Variants in ZZEF1 observed in about 807,000 individuals in gnomAD.
ZZEF1 encodes zinc finger ZZ-type and EF-hand domain containing 1.
ZZEF1 carries 157 observed loss-of-function variants against 342.8 expected under a neutral mutation model. The observed-to-expected ratio is 0.46, with a 90% CI of 0.40 to 0.52. ZZEF1 has a LOEUF of 0.52. Ranked by LOEUF, ZZEF1 falls within the 20% of genes least tolerant of loss-of-function variation. The pLI, the probability that ZZEF1 is intolerant of heterozygous loss-of-function variation, is 0.00. For synonymous variants in ZZEF1, 1,505 were observed against 1,429.1 expected (o/e 1.05, Z -1.20); for missense variants, 3,480 against 3,725.6 (o/e 0.93, Z 1.72).
rs902131241 is a variant in ZZEF1, at chr17:4,133,479, A to G, written c.354+9063T>C. ...CAAATGCTTAAAACCTCTTAGCTCCATTACTTTCCTCCATCTATAAAAGCT... is the reference window on the plus strand; with the variant it reads ...CAAATGCTTAAAACCTCTTAGCTCCGTTACTTTCCTCCATCTATAAAAGCT... On this transcript the variant is annotated intron_variant, in intron 1 of 54. Transcript: ENST00000381638. Among the ~76,000 whole-genome samples the G allele has an allele frequency of 3.9e-5, 6 of 152,092 alleles. No homozygotes were observed. The East Asian group carries it at 1.2e-3, about 29-fold the overall frequency.
At chr17:4,099,834 C>T (rs1182174986) in intron 9 of ZZEF1, among the ~76,000 whole-genome samples, 3 of 152,124 alleles carry the variant, frequency 2.0e-5, no homozygotes, top group African/African-American at 7.2e-5. Context: ...GTGTGAGCCA[C>T]TGCACCCAGC....
chr17:4,105,456 C>T (rs2058195596), intron 7 of ZZEF1, among the ~76,000 whole-genome samples: 1 of 152,184 alleles, frequency 6.6e-6, no homozygotes, highest in South Asian at 2.1e-4. Context: ...CACAGGACTA[C>T]TCCCCTTGGG....
Position 4,102,404 on chromosome 17 carries a change from G to A in ZZEF1, c.1585C>T (p.Gln529Ter). Reference protein sequence around the residue: ...NLLLKYGKPLQLTLQACDVKG... With the variant: ...NLLLKYGKPL ...ACATCACATGCCTGAAGAGTCAACTGGAGAGGTTTACCTGACCAAAGAAAA... is the reference window on the plus strand; with the variant it reads ...ACATCACATGCCTGAAGAGTCAACTAGAGAGGTTTACCTGACCAAAGAAAA... The change falls in exon 9 of 55, where the codon CAG (glutamine) becomes TAG (stop). Residue 529 changes from glutamine to a stop codon, truncating the protein, a stop_gained. Coordinates refer to ENST00000381638, the MANE Select transcript of ZZEF1 (RefSeq NM_015113.4). LOFTEE classifies it high-confidence loss of function. 6.2e-7 allele frequency: 1 copy of A among 1,613,538 alleles called. No individual in the cohort carries two copies. The highest frequency in any genetic ancestry group is 8.5e-7 in the Non-Finnish European group (1 of 1,179,598).
At chr17:4,034,681 T>C (rs773210349) in intron 39 of ZZEF1, among the ~76,000 whole-genome samples, 5 of 152,202 alleles carry the variant, frequency 3.3e-5, no homozygotes, top group Non-Finnish European at 7.3e-5. Context: ...CCTTTTTCTA[T>C]GCATATTTAT....
At chr17:4,059,581 TTAAG>T (rs1406389156) in intron 30 of ZZEF1, among the ~76,000 whole-genome samples, 1 of 152,104 alleles carries the variant, frequency 6.6e-6, no homozygotes, top group Non-Finnish European at 1.5e-5. Flanking sequence ...AGATACTGTG[TTAAG>T]TATTTTTCAC....
rs1385554280 is a variant in ZZEF1, at chr17:4,076,764, T to G, written c.3112-5A>C. 1 of 1,604,318 alleles carries G rather than the reference T, an allele frequency of 6.2e-7. No individual in the cohort carries two copies. Among genetic ancestry groups the G allele is most frequent in the Non-Finnish European group, 8.5e-7 (1 of 1,175,168 alleles). ...GAAGTCCAGCAGGAAGATAACCTAA[T>G]GGAAGATGGATGAAGCACTCAGCGT... is the stretch of plus-strand genomic sequence containing the variant. On this transcript the variant is annotated splice_region_variant and splice_polypyrimidine_tract_variant and intron_variant, in intron 20 of 54. Transcript: ENST00000381638.
At chr17:4,068,707 G>GT (rs1326226196) in intron 26 of ZZEF1, among the ~76,000 whole-genome samples, 1 of 151,926 alleles carries the variant, frequency 6.6e-6, no homozygotes, top group Non-Finnish European at 1.5e-5. Flanking sequence ...TTACAATGCA[G>GT]TAAGTAATTC....
At chr17:4,129,306 G>T (rs906093230) in intron 1 of ZZEF1, among the ~76,000 whole-genome samples, 1 of 152,122 alleles carries the variant, frequency 6.6e-6, no homozygotes, top group Non-Finnish European at 1.5e-5. Flanking sequence ...CGATCACTGT[G>T]GAAAGCAATG....
rs1300296527 is a variant in ZZEF1, at chr17:4,042,695, A to T, written c.6167-127T>A. The T allele has an allele frequency of 2.8e-6, 3 of 1,080,006 alleles. No homozygotes were observed. In the East Asian group the frequency reaches 8.3e-5, roughly 30 times the overall value. 66.9% of individuals were successfully genotyped at this position (1,080,006 alleles called of 1,614,324 possible). On this transcript the variant is annotated intron_variant, in intron 38 of 54. Transcript: ENST00000381638. ...TGGGATTTTATTCATTTATTTTTTA[A>T]ATTTGAGAGGGAGTCTCACTCTGTT...
At chr17:4,062,313 CAATAT>C (rs1474691349) in intron 30 of ZZEF1, among the ~76,000 whole-genome samples, 25 of 151,532 alleles carry the variant, frequency 1.6e-4, no homozygotes, top group African/African-American at 6.0e-4. Context: ...TCTCTCTCCT[CAATAT>C]AATATAAAAT....
At chr17:4,031,015 C>T (rs1597785696) in intron 42 of ZZEF1, among the ~76,000 whole-genome samples, 1 of 151,726 alleles carries the variant, frequency 6.6e-6, no homozygotes, top group Non-Finnish European at 1.5e-5. Flanking sequence ...CCCATCTCTA[C>T]TAAAAATACA....
chr17:4,025,194 G>A, intron 42 of ZZEF1, 76 bp from the exon 43 acceptor site: 2 of 1,379,196 alleles, frequency 1.5e-6, no homozygotes, highest in South Asian at 1.2e-5. Context: ...TTCTTCTATA[G>A]TAACATGCCT....
chr17:4,069,858 G>C (rs148733180), intron 26 of ZZEF1, among the ~76,000 whole-genome samples: 1 of 149,066 alleles, frequency 6.7e-6, no homozygotes. Flanking sequence ...AAAACAAAAT[G>C]AGCAACAGTC....
Position 4,016,577 on chromosome 17 carries a change from A to AG in ZZEF1, c.8002-112dup. On this transcript the variant is annotated intron_variant, in intron 48 of 54. Transcript: ENST00000381638. This position sits in a 1 kb window ranked among gnomAD's most constrained non-coding sequence, Gnocchi z 4.4. The stretch of plus-strand genomic sequence containing the variant: ...AAGGTGCTGGCATCATCTTAGACCT[A>AG]GGACGAGCCTCTGTGACTCCACCAC... The AG allele has an allele frequency of 3.0e-6, 4 of 1,336,822 alleles. No individual in the cohort carries two copies. The highest frequency in any genetic ancestry group is 3.0e-6 in the Non-Finnish European group (3 of 1,003,558). The allele number at this position is 1,336,822 out of a possible 1,614,324, so 82.8% of individuals were successfully genotyped here. A position where few individuals can be genotyped will look rare whatever the true frequency, so the allele number is the denominator to read the frequency against.
Position 4,025,056 on chromosome 17 carries a change from G to C in ZZEF1, c.6955C>G (p.Leu2319Val). 6.2e-7 allele frequency: 1 copy of C among 1,614,204 alleles called. No individual in the cohort carries two copies. Among genetic ancestry groups the C allele is most frequent in the Non-Finnish European group, 8.5e-7 (1 of 1,180,042 alleles). Reference sequence around the variant, plus strand: ...GCAAAGTGCTGGGAGTACTGGCTCAGCTGGGCCCGAGAGTCACCACACTCT... The same window carrying C: ...GCAAAGTGCTGGGAGTACTGGCTCACCTGGGCCCGAGAGTCACCACACTCT... ...GQECGDSRAQ[L>V]SQYSQHFAFI... The change falls in exon 43 of 55, where the codon CTG becomes GTG. Residue 2319 changes from leucine (L) to valine (V), a missense_variant. Coordinates refer to ENST00000381638, the MANE Select transcript of ZZEF1 (RefSeq NM_015113.4).
intron 42 of ZZEF1, among the ~76,000 whole-genome samples, chr17:4,026,251 G>A (rs1214888509): frequency 6.6e-6 from 1 of 152,192 alleles, no homozygotes; most frequent in African/African-American, 2.4e-5. Flanking sequence ...TCCTAGTGGA[G>A]ATGGGGGTGG....
intron 29 of ZZEF1, among the ~76,000 whole-genome samples, chr17:4,064,064 G>GA (rs1030104294): frequency 1.0e-4 from 10 of 98,278 alleles, no homozygotes; most frequent in African/African-American, 2.6e-4. Context: ...TGTAGATGGA[G>GA]GGGGGGGGGT....
In ZZEF1 at chr17:4,129,212, T is replaced by C. The variant is rs115542487; in HGVS notation, c.355-5161A>G. On this transcript the variant is annotated intron_variant, in intron 1 of 54. Coordinates refer to ENST00000381638, the MANE Select transcript of ZZEF1 (RefSeq NM_015113.4). Reference sequence around the variant, plus strand: ...CTCTTATAATAAACAGATATTGCAATCATGAAAGAACAGGATAACTATTAA... The same window carrying C: ...CTCTTATAATAAACAGATATTGCAACCATGAAAGAACAGGATAACTATTAA... Among the ~76,000 whole-genome samples the C allele has an allele frequency of 5.1e-3, 780 of 152,260 alleles. 7 individuals are homozygous for C. Among genetic ancestry groups the C allele is most frequent in the African/African-American group, 0.018 (739 of 41,540 alleles).
chr17:4,031,420 CATAA>C (rs1240614658), intron 42 of ZZEF1, among the ~76,000 whole-genome samples: 1 of 151,796 alleles, frequency 6.6e-6, no homozygotes, highest in African/African-American at 2.4e-5. Flanking sequence ...TAATAGAATC[CATAA>C]ATAGACAGAT....
Sources: gnomAD v4.1 joint callset for allele counts (sites outside exome capture counted in the v4.1 genomes callset) on GRCh38, gnomAD v4.1.1 for gene constraint, Gnocchi (gnomAD v3.1) non-coding constraint, MANE v1.5 for transcripts, NCBI Gene and HGNC (gene_info 2026-07-23, HGNC 2026-07-21) for gene names.